SORCS3: variants seen among roughly 807,000 people sequenced by gnomAD.
SORCS3 encodes VPS10 domain-containing receptor SorCS3.
In SORCS3, 57 loss-of-function variants were observed where a neutral mutation model predicts 146.3. The observed-to-expected ratio is 0.39, with a 90% CI of 0.31 to 0.49. SORCS3 has a LOEUF of 0.49. SORCS3 is among the 20% of genes least tolerant of loss of function. The pLI is 0.92. For synonymous variants in SORCS3, 653 were observed against 618.5 expected, an observed-to-expected ratio of 1.06 and a Z score of -0.83; for missense variants, 1,341 against 1,575.5, an observed-to-expected ratio of 0.85 and a Z score of 2.52.
chr10:104,733,109 G>A (rs894697249), intron 1 of SORCS3, among the ~76,000 whole-genome samples: 7 of 152,112 alleles, frequency 4.6e-5, no homozygotes, highest in South Asian at 2.1e-4. Context: ...ATAATAACCC[G>A]TGAACTTACA....
intron 6 of SORCS3, among the ~76,000 whole-genome samples, chr10:105,104,379 C>CA (rs1343390253): frequency 1.3e-5 from 2 of 152,044 alleles, no homozygotes; most frequent in South Asian, 2.1e-4. Flanking sequence ...AATTAAAGAG[C>CA]AAAAAAACCG....
chr10:104,746,303 A>ATT (rs1427808547), intron 1 of SORCS3, among the ~76,000 whole-genome samples: 2 of 151,972 alleles, frequency 1.3e-5, no homozygotes, highest in East Asian at 3.9e-4. Flanking sequence ...CGCCTGGCTA[A>ATT]TTTTTTGTAT....
chr10:104,781,450 C>CATGAGG (rs1259022963), intron 1 of SORCS3, among the ~76,000 whole-genome samples: 3 of 152,166 alleles, frequency 2.0e-5, no homozygotes, highest in African/African-American at 7.2e-5. Flanking sequence ...AGGTTGAGTG[C>CATGAGG]ATGAGGTAGG....
intron 11 of SORCS3, among the ~76,000 whole-genome samples, chr10:105,159,349 A>G (rs1247967002): frequency 6.6e-6 from 1 of 152,198 alleles, no homozygotes; most frequent in African/African-American, 2.4e-5. Context: ...ACCAGATGTA[A>G]GTTGGGGTAG....
chr10:105,118,901 A>G (rs72817730), intron 7 of SORCS3, among the ~76,000 whole-genome samples: 13,152 of 152,258 alleles, frequency 0.086, 698 homozygotes, highest in Admixed American at 0.16. Context: ...TGATGATGTG[A>G]GAGAAGAGAA....
intron 1 of SORCS3, among the ~76,000 whole-genome samples, chr10:104,809,712 C>T (rs2017719779): frequency 6.6e-6 from 1 of 152,162 alleles, no homozygotes; most frequent in Non-Finnish European, 1.5e-5. Context: ...GTACCACCTT[C>T]CAGCTCTTAC....
intron 1 of SORCS3, among the ~76,000 whole-genome samples, chr10:104,713,105 C>A (rs2016437535): frequency 7.1e-6 from 1 of 141,144 alleles, no homozygotes; most frequent in South Asian, 2.5e-4. Context: ...GTGCAATATA[C>A]CAGCCTTTCT....
At chr10:104,981,123 C>A (rs1164282983) in intron 4 of SORCS3, among the ~76,000 whole-genome samples, 1 of 152,184 alleles carries the variant, frequency 6.6e-6, no homozygotes, top group Non-Finnish European at 1.5e-5. Flanking sequence ...AAAGTCCTTT[C>A]TGATTTCTGG....
chr10:105,030,243 C>T (rs926674034), intron 4 of SORCS3, among the ~76,000 whole-genome samples: 11 of 152,126 alleles, frequency 7.2e-5, no homozygotes, highest in East Asian at 3.9e-4. Flanking sequence ...CTGGTCTCAG[C>T]GAGATTCACT....
chr10:105,200,080 C>T lies in SORCS3; in HGVS notation c.2091C>T (p.Thr697=). ...DYKSIFSRHC[T]KEDYQTWHLL... ...AATCTATCTTCAGCCGGCATTGCAC[C>T]AAGGAGGACTATCAGACCTGGCACC... The change falls in exon 15 of 27, where the codon ACC becomes ACT. Residue 697 remains threonine (T), a synonymous_variant. Transcript: ENST00000369701. 6.2e-7 allele frequency: 1 copy of T among 1,613,638 alleles called. No homozygotes were observed. The highest frequency in any genetic ancestry group is 8.5e-7 in the Non-Finnish European group (1 of 1,179,640).
intron 2 of SORCS3, among the ~76,000 whole-genome samples, chr10:104,862,166 C>T (rs2018410776): frequency 6.6e-6 from 1 of 152,176 alleles, no homozygotes; most frequent in African/African-American, 2.4e-5. Flanking sequence ...GGGAAGTGCC[C>T]ATAGCTGAGG....
intron 12 of SORCS3, among the ~76,000 whole-genome samples, chr10:105,166,958 G>A (rs905134222): frequency 2.0e-5 from 3 of 152,118 alleles, no homozygotes; most frequent in Non-Finnish European, 2.9e-5. Context: ...CTTCCGTTGG[G>A]TTACCTAGTT....
chr10:105,030,215 T>A (rs2055256318), intron 4 of SORCS3, among the ~76,000 whole-genome samples: 2 of 152,184 alleles, frequency 1.3e-5, no homozygotes, highest in African/African-American at 4.8e-5. Flanking sequence ...ATTGCTCACA[T>A]ATATATGGGT....
intron 17 of SORCS3, among the ~76,000 whole-genome samples, chr10:105,212,266 A>T (rs1046492197): frequency 6.6e-6 from 1 of 152,178 alleles, no homozygotes; most frequent in African/African-American, 2.4e-5. Context: ...CTATTCCTGG[A>T]GCCTGAGCTA....
In SORCS3 at chr10:104,735,169, C is replaced by A. The variant is rs183667996; in HGVS notation, c.627+93215C>A. Among the ~76,000 whole-genome samples the A allele has an allele frequency of 2.9e-3, 435 of 152,282 alleles. 1 individual carries two copies. The highest frequency in any genetic ancestry group is 4.3e-3 in the Non-Finnish European group (295 of 68,018). On this transcript the variant is annotated intron_variant, in intron 1 of 26. Coordinates refer to ENST00000369701, the MANE Select transcript of SORCS3 (RefSeq NM_014978.3). Reference sequence around the variant, plus strand: ...CTTGCCTTTCACGTGGCTCTCCTGCCTGGTGACTGTCGGCTGGGCAGGGGG... The same window carrying A: ...CTTGCCTTTCACGTGGCTCTCCTGCATGGTGACTGTCGGCTGGGCAGGGGG...
At chr10:105,023,822 G>A (rs2133690640) in intron 4 of SORCS3, among the ~76,000 whole-genome samples, 1 of 152,102 alleles carries the variant, frequency 6.6e-6, no homozygotes, top group Non-Finnish European at 1.5e-5. Context: ...AATGCAGTGA[G>A]GAAGAAATGG....
At chr10:105,201,712 A>G (rs539980965) in intron 16 of SORCS3, among the ~76,000 whole-genome samples, 1 of 152,112 alleles carries the variant, frequency 6.6e-6, no homozygotes, top group African/African-American at 2.4e-5. Flanking sequence ...ATGAAATTCA[A>G]ATCTCACCTA....
chr10:105,170,234 G>A (rs967119539), intron 13 of SORCS3, among the ~76,000 whole-genome samples: 3 of 151,974 alleles, frequency 2.0e-5, no homozygotes, highest in South Asian at 2.1e-4. Context: ...ACTTCCAAAC[G>A]GAGTACTTGT....
Position 105,090,954 on chromosome 10 carries a change from T to C in SORCS3, c.1093+1115T>C, listed in dbSNP as rs151230217. Among the ~76,000 whole-genome samples the C allele has an allele frequency of 9.8e-5, 15 of 152,328 alleles. No individual in the cohort carries two copies. In the East Asian group the frequency reaches 2.5e-3, roughly 25 times the overall value. On this transcript the variant is annotated intron_variant, in intron 6 of 26. Coordinates refer to ENST00000369701, the MANE Select transcript of SORCS3 (RefSeq NM_014978.3). ...TCTACTGTTGGAGGCCAACCGTAGA[T>C]GCATGCCAGAAATGTGCATTTGGGG...
Sources: gnomAD v4.1 joint callset for allele counts (sites outside exome capture counted in the v4.1 genomes callset) on GRCh38, gnomAD v4.1.1 for gene constraint, MANE v1.5 for transcripts, NCBI Gene and HGNC (gene_info 2026-07-23, HGNC 2026-07-21) for gene names.